The following TDRD7 variants were observed in gnomAD, a reference collection of about 807,000 sequenced individuals.
The protein encoded by TDRD7 is tudor domain-containing protein 7.
In TDRD7, 47 loss-of-function variants were observed where a neutral mutation model predicts 109.8. That is an observed-to-expected ratio of 0.43 (90% CI 0.34 to 0.55). The LOEUF (loss-of-function observed/expected upper bound fraction) is 0.55, where lower values mean the gene tolerates loss of function less well. TDRD7 is among the 20% of genes least tolerant of loss of function. TDRD7 has a pLI of 0.03. For missense variants in TDRD7, 1,164 were observed against 1,319.2 expected, an observed-to-expected ratio of 0.88 and a Z score of 1.82; for synonymous variants, 424 against 457.3, an observed-to-expected ratio of 0.93 and a Z score of 0.93.
At chr9:97,467,231 A>C (rs1828835405) in intron 8 of TDRD7, among the ~76,000 whole-genome samples, 1 of 152,234 alleles carries the variant, frequency 6.6e-6, no homozygotes, top group African/African-American at 2.4e-5. Flanking sequence ...TGAAGAGAAG[A>C]ATCATACGTA....
chr9:97,460,667 A>G lies in TDRD7; in HGVS notation c.1345A>G (p.Met449Val). The change falls in exon 7 of 17, where the codon ATG becomes GTG. Residue 449 changes from methionine (M) to valine (V), a missense_variant. Met to Val is a conservative substitution (Grantham distance 21, BLOSUM62 1). Around this residue, in one of 5 missense-constraint regions of TDRD7, gnomAD observed 407 missense variants for 394.0 expected, o/e 1.03. Coordinates refer to ENST00000355295, the MANE Select transcript of TDRD7 (RefSeq NM_014290.3). Reference sequence around the variant, plus strand: ...CATTGCTGAAAGTGCTAATACCTTTATGGAGGACATAACAGTTCCTCCTTT... The same window carrying G: ...CATTGCTGAAAGTGCTAATACCTTTGTGGAGGACATAACAGTTCCTCCTTT... Reference protein sequence around the residue: ...ESIAESANTFMEDITVPPLMI... With the variant: ...ESIAESANTFVEDITVPPLMI... 10 of 1,614,194 alleles carry G rather than the reference A, an allele frequency of 6.2e-6. No individual in the cohort carries two copies. The highest frequency in any genetic ancestry group is 8.5e-6 in the Non-Finnish European group (10 of 1,180,020).
At chr9:97,423,655 G>A (rs1169113219) in intron 1 of TDRD7, among the ~76,000 whole-genome samples, 1 of 151,970 alleles carries the variant, frequency 6.6e-6, no homozygotes, top group African/African-American at 2.4e-5. Context: ...GAAACATAAT[G>A]CTATAAATTT....
chr9:97,480,786 T>C (rs780577449), intron 13 of TDRD7, 42 bp from the exon 14 acceptor site: 5 of 1,503,396 alleles, frequency 3.3e-6, no homozygotes, highest in Non-Finnish European at 4.6e-6. Flanking sequence ...ACTAGGTATT[T>C]TAACATGGTG....
intron 16 of TDRD7, among the ~76,000 whole-genome samples, chr9:97,492,125 C>T (rs1336900185): frequency 6.6e-6 from 1 of 152,186 alleles, no homozygotes; most frequent in African/African-American, 2.4e-5. Flanking sequence ...GTGAATTGCC[C>T]TGTGACCTTC....
intron 1 of TDRD7, among the ~76,000 whole-genome samples, chr9:97,418,498 G>A (rs1406305457): frequency 6.6e-6 from 1 of 152,062 alleles, no homozygotes; most frequent in Non-Finnish European, 1.5e-5. Flanking sequence ...AACAGGTCAT[G>A]GGTGGGGACA....
chr9:97,453,100 TG>T (rs1313934396), intron 6 of TDRD7, among the ~76,000 whole-genome samples: 4 of 151,926 alleles, frequency 2.6e-5, no homozygotes, highest in Admixed American at 2.0e-4. Flanking sequence ...ATATGGACAG[TG>T]GGGGATGGGG....
At chr9:97,456,909 A>G (rs551044636) in intron 6 of TDRD7, among the ~76,000 whole-genome samples, 98 of 152,344 alleles carry the variant, frequency 6.4e-4, no homozygotes, top group African/African-American at 2.3e-3. Context: ...AAATTTTTGC[A>G]AACTACCCAT....
At chr9:97,475,599 C>T in intron 12 of TDRD7, 130 bp downstream of exon 12, 5 of 749,276 alleles carry the variant, frequency 6.7e-6, no homozygotes, top group Non-Finnish European at 1.2e-5. Context: ...AAAACATGAC[C>T]AGTATGGTTG....
chr9:97,482,798 A>G, intron 14 of TDRD7, 51 bp from the exon 15 acceptor site: 2 of 1,602,098 alleles, frequency 1.2e-6, no homozygotes, highest in Non-Finnish European at 1.7e-6. Flanking sequence ...CTGCCTCTCA[A>G]AATTTAATGT....
At chr9:97,415,638 GA>G (rs1326656302) in intron 1 of TDRD7, among the ~76,000 whole-genome samples, 2 of 152,138 alleles carry the variant, frequency 1.3e-5, no homozygotes, top group Admixed American at 1.3e-4. Context: ...TATAAGCGAA[GA>G]AAAAAAGGAA....
intron 4 of TDRD7, 99 bp downstream of exon 4, chr9:97,432,337 A>G (rs979869241): frequency 7.5e-6 from 8 of 1,068,162 alleles, no homozygotes; most frequent in Non-Finnish European, 1.0e-5. Flanking sequence ...TATTTTATCT[A>G]AGTTCACATA....
At chr9:97,466,266 C>T (rs940221350) in intron 8 of TDRD7, among the ~76,000 whole-genome samples, 1 of 152,100 alleles carries the variant, frequency 6.6e-6, no homozygotes, top group Non-Finnish European at 1.5e-5. Flanking sequence ...GCAGGTTGCT[C>T]AATAGGAGAG....
intron 5 of TDRD7, among the ~76,000 whole-genome samples, chr9:97,441,075 C>T (rs1013834152): frequency 6.6e-6 from 1 of 152,048 alleles, no homozygotes; most frequent in Non-Finnish European, 1.5e-5. Flanking sequence ...TAAACTGAGG[C>T]TAGGATGATG....
intron 7 of TDRD7, among the ~76,000 whole-genome samples, chr9:97,463,010 G>A (rs1828753979): frequency 6.6e-6 from 1 of 152,272 alleles, no homozygotes; most frequent in Non-Finnish European, 1.5e-5. Context: ...GAGACTCTAG[G>A]TCCCAGCAAA....
rs1252321209 is a variant in TDRD7 at position 97,483,194 on chromosome 9, G to C, written c.2758G>C (p.Val920Leu). The change falls in exon 15 of 17, where the codon GTG becomes CTG. Residue 920 changes from valine (V) to leucine (L), a missense_variant. Physicochemically the swap from Val to Leu is conservative, Grantham distance 32. Around this residue, in one of 5 missense-constraint regions of TDRD7, gnomAD observed 162 missense variants for 222.5 expected, o/e 0.73. Coordinates refer to ENST00000355295, the MANE Select transcript of TDRD7 (RefSeq NM_014290.3). ...GGAACACATGGATGTGTATGTGCCT[G>C]TGGCCTGTCACCCAGGCTACTTCGT... ...PGEHMDVYVPVACHPGYFVIQ... is the reference protein window; with the variant it reads ...PGEHMDVYVPLACHPGYFVIQ... The C allele has an allele frequency of 6.2e-7, 1 of 1,613,674 alleles. No homozygotes were observed. Among genetic ancestry groups the C allele is most frequent in the Admixed American group, 1.7e-5 (1 of 59,984 alleles).
Position 97,483,009 on chromosome 9 carries a change from ACT to A in TDRD7, c.2577_2578del (p.Pro860GlnfsTer77). On this transcript the variant is annotated frameshift_variant, in exon 15 of 17. Transcript: ENST00000355295. LOFTEE classifies it high-confidence loss of function. ...TTGAGTGCCATATCCAGTGGAGCTG[ACT>A]CTCCCAACAGCAAAAATGGCAACAT... 1 of 1,614,130 alleles carries A rather than the reference ACT, an allele frequency of 6.2e-7. No individual in the cohort carries two copies. Among genetic ancestry groups the A allele is most frequent in the Non-Finnish European group, 8.5e-7 (1 of 1,180,022 alleles).
intron 8 of TDRD7, 76 bp downstream of exon 8, chr9:97,465,104 A>G (rs1271482714): frequency 1.2e-5 from 18 of 1,514,082 alleles, no homozygotes; most frequent in Non-Finnish European, 4.5e-6. Context: ...TATTTTTTAC[A>G]TTTTTGAAAT....
intron 15 of TDRD7, among the ~76,000 whole-genome samples, chr9:97,486,958 A>G (rs1437823488): frequency 6.6e-6 from 1 of 152,254 alleles, no homozygotes; most frequent in Non-Finnish European, 1.5e-5. Flanking sequence ...GAATGAGCAA[A>G]TTCTATCAAA....
At chr9:97,490,068 A>C (rs548624312) in intron 16 of TDRD7, among the ~76,000 whole-genome samples, 2 of 152,222 alleles carry the variant, frequency 1.3e-5, no homozygotes, top group African/African-American at 2.4e-5. Flanking sequence ...AATCAAATAC[A>C]TTGTTGCTAT....
Sources: allele counts gnomAD v4.1 joint callset (sites outside exome capture counted in the v4.1 genomes callset), GRCh38; gene constraint gnomAD v4.1.1; regional missense constraint gnomAD v4.1.1; transcripts MANE v1.5; gene names NCBI Gene and HGNC (gene_info 2026-07-23, HGNC 2026-07-21).